Variants in EIF3D observed in about 807,000 individuals in gnomAD.
EIF3D encodes eukaryotic translation initiation factor 3 subunit D.
In EIF3D, 10 loss-of-function variants were observed where a neutral mutation model predicts 75.4. That is an observed-to-expected ratio of 0.13 (90% CI 0.08 to 0.22). EIF3D has a LOEUF of 0.22. Among genes scored for constraint, EIF3D ranks in the 10% least tolerant of loss-of-function variants. The pLI, the probability that EIF3D is intolerant of heterozygous loss-of-function variation, is 1.00. For synonymous variants in EIF3D, 246 were observed against 248.3 expected, an observed-to-expected ratio of 0.99 and a Z score of 0.09; for missense variants, 394 against 708.0, an observed-to-expected ratio of 0.56 and a Z score of 5.03.
intron 6 of EIF3D, among the ~76,000 whole-genome samples, chr22:36,522,007 G>A (rs915686294): frequency 1.3e-5 from 2 of 151,996 alleles, no homozygotes; most frequent in South Asian, 4.2e-4. Context: ...AACAACATGG[G>A]TTTGAAGTAC....
At chr22:36,528,250 G>T (rs1407336218) in intron 1 of EIF3D, among the ~76,000 whole-genome samples, 2 of 152,004 alleles carry the variant, frequency 1.3e-5, no homozygotes, top group African/African-American at 2.4e-5. Context: ...GCAGCAGCCC[G>T]CAAAGATCAG....
chr22:36,523,081 C>T (rs1423291256), intron 6 of EIF3D, 128 bp downstream of exon 6: 1 of 796,234 alleles, frequency 1.3e-6, no homozygotes, highest in Admixed American at 2.0e-5. Flanking sequence ...AGTTACAGAA[C>T]TCTTCAAATA....
chr22:36,517,994 C>T (rs1000525212), intron 9 of EIF3D, among the ~76,000 whole-genome samples: 8 of 152,062 alleles, frequency 5.3e-5, no homozygotes, highest in East Asian at 1.9e-4. Context: ...AGTGATTCTC[C>T]GCCTCGGCCT....
chr22:36,524,805 T>G (rs574186193), intron 3 of EIF3D, 73 bp from the exon 4 acceptor site: 2 of 1,597,674 alleles, frequency 1.3e-6, no homozygotes, highest in Admixed American at 3.4e-5. Context: ...TCTAAAGCCT[T>G]GCTATTTCAA....
At chr22:36,517,094 T>C (rs1043712502) in intron 10 of EIF3D, among the ~76,000 whole-genome samples, 4 of 152,220 alleles carry the variant, frequency 2.6e-5, no homozygotes, top group African/African-American at 9.6e-5. Context: ...CCTCCTCCAC[T>C]ATCATTAAAT....
At chr22:36,518,424 C>T (rs1200080946) in intron 9 of EIF3D, among the ~76,000 whole-genome samples, 3 of 151,400 alleles carry the variant, frequency 2.0e-5, no homozygotes, top group East Asian at 1.9e-4. Flanking sequence ...GGGAGGCAGA[C>T]GCTGCAGTGA....
chr22:36,520,719 A>C, intron 6 of EIF3D, 31 bp from the exon 7 acceptor site: 3 of 1,484,046 alleles, frequency 2.0e-6, no homozygotes, highest in Non-Finnish European at 2.8e-6. Flanking sequence ...AGGAAAAAAA[A>C]GTTATAGTCC....
In EIF3D at chr22:36,520,550, A is replaced by G. The variant is rs1234589248; in HGVS notation, c.578+26T>C. On this transcript the variant is annotated intron_variant, in intron 7 of 14. Transcript: ENST00000216190. ...TGGTCCACACACATAAGAGCAGTGT[A>G]GAAAGTAGTAAAAGATGCTGCTTAC... 5 of 1,507,136 alleles carry G rather than the reference A, an allele frequency of 3.3e-6. No individual in the cohort carries two copies. In the Admixed American group the frequency reaches 8.4e-5, roughly 25 times the overall value. 93.4% of individuals were successfully genotyped at this position (1,507,136 alleles called of 1,614,324 possible). A position where few individuals can be genotyped will look rare whatever the true frequency, so the allele number is the denominator to read the frequency against.
Position 36,511,527 on chromosome 22 carries a change from C to G in EIF3D, c.1609G>C (p.Glu537Gln), listed in dbSNP as rs968706921. The G allele has an allele frequency of 1.9e-6, 3 of 1,613,776 alleles. No homozygotes were observed. The highest frequency in any genetic ancestry group is 2.5e-6 in the Non-Finnish European group (3 of 1,179,908). ...FSSDEDEEEEEEEEEEEEEEE... is the reference protein window; with the variant it reads ...FSSDEDEEEEQEEEEEEEEEE... The stretch of plus-strand genomic sequence containing the variant: ...CCTTCTTCTTCCTCTTCTTCCTCCT[C>G]CTCTTCCTCCTCATCTTCATCAGAG... Residue 537 changes from glutamate (E) to glutamine (Q), a missense_variant, in exon 14 of 15, where the codon GAG (glutamate) becomes CAG (glutamine). Glu to Gln is a conservative substitution (Grantham distance 29). Transcript: ENST00000216190.
At chr22:36,512,721 A>ACTTT in intron 12 of EIF3D, 119 bp from the exon 13 acceptor site, 1 of 1,139,446 alleles carries the variant, frequency 8.8e-7, no homozygotes, top group Non-Finnish European at 1.2e-6. Context: ...GTAGGTACGC[A>ACTTT]CTAAATCTTA....
At chr22:36,520,508 A>G (rs1223839165) in intron 7 of EIF3D, 68 bp downstream of exon 7, 1 of 1,125,048 alleles carries the variant, frequency 8.9e-7, no homozygotes, top group Non-Finnish European at 1.3e-6. Flanking sequence ...GGGCTTAAGA[A>G]AATACCCATC....
intron 12 of EIF3D, among the ~76,000 whole-genome samples, chr22:36,513,594 T>C (rs1339679327): frequency 6.6e-6 from 1 of 152,222 alleles, no homozygotes; most frequent in African/African-American, 2.4e-5. Context: ...TGAGCCACCG[T>C]GCCCGGCCAA....
chr22:36,525,922 A>G lies in EIF3D; in HGVS notation c.123+77T>C. 2 of 1,533,422 alleles carry G rather than the reference A, an allele frequency of 1.3e-6. 1 individual carries two copies. The highest frequency in any genetic ancestry group is 3.5e-4 in the Middle Eastern group (2 of 5,682). 95.0% of individuals were successfully genotyped at this position (1,533,422 alleles called of 1,614,324 possible). ...GAAATTCAGGAGTTAAGATTTTGAGACAATAAAATCTAAACAGGGACTCGA... is the reference window on the plus strand; with the variant it reads ...GAAATTCAGGAGTTAAGATTTTGAGGCAATAAAATCTAAACAGGGACTCGA... On this transcript the variant is annotated intron_variant, in intron 2 of 14. Transcript: ENST00000216190.
At chr22:36,517,089 T>C (rs772599960) in intron 10 of EIF3D, among the ~76,000 whole-genome samples, 1 of 152,228 alleles carries the variant, frequency 6.6e-6, no homozygotes, top group Non-Finnish European at 1.5e-5. Flanking sequence ...TGTTTCCTCC[T>C]CCACTATCAT....
intron 14 of EIF3D, 22 bp from the exon 15 acceptor site, chr22:36,511,022 A>T (rs200261358): frequency 2.5e-4 from 398 of 1,607,020 alleles, no homozygotes; most frequent in Middle Eastern, 1.0e-3. Context: ...AAAAAATGTA[A>T]GAGAAATGAG....
intron 11 of EIF3D, 33 bp from the exon 12 acceptor site, chr22:36,516,640 G>C (rs1568998948): frequency 6.2e-7 from 1 of 1,613,800 alleles, no homozygotes; most frequent in African/African-American, 1.3e-5. Context: ...GTGGTCACTG[G>C]GGATTCTATA....
chr22:36,526,078 C>T lies in EIF3D; in HGVS notation c.44G>A (p.Gly15Asp). ...CTCGGGAACCGCACAGGGACCCCAG[C>T]CTGAGGGGTTGTCCTGGATCACGGG... ...MTPVIQDNPS[G>D]WGPCAVPEQF... The change falls in exon 2 of 15, where the codon GGC becomes GAC. Residue 15 changes from glycine to aspartate, a missense_variant. By Grantham distance (94) the Gly-to-Asp change is moderately conservative. Transcript: ENST00000216190. The T allele has an allele frequency of 1.9e-6, 3 of 1,613,228 alleles. No individual in the cohort carries two copies. Among genetic ancestry groups the T allele is most frequent in the Non-Finnish European group, 2.5e-6 (3 of 1,179,606 alleles).
At chr22:36,513,240 A>G (rs1329853334) in intron 12 of EIF3D, among the ~76,000 whole-genome samples, 1 of 152,232 alleles carries the variant, frequency 6.6e-6, no homozygotes, top group Non-Finnish European at 1.5e-5. Context: ...AGAGGTTCCC[A>G]AACTTTCTTG....
intron 6 of EIF3D, 36 bp downstream of exon 6, chr22:36,523,173 A>G (rs1292543409): frequency 6.4e-7 from 1 of 1,570,300 alleles, no homozygotes; most frequent in African/African-American, 1.4e-5. Flanking sequence ...AAACAGAACC[A>G]AATTCCAAGG....
Sources: allele counts gnomAD v4.1 joint callset (sites outside exome capture counted in the v4.1 genomes callset), GRCh38; gene constraint gnomAD v4.1.1; transcripts MANE v1.5; gene names NCBI Gene and HGNC (gene_info 2026-07-23, HGNC 2026-07-21).